CEP83: variants seen among roughly 807,000 people sequenced by gnomAD.
CEP83 encodes centrosomal protein of 83 kDa.
CEP83 carries 70 observed loss-of-function variants against 101.9 expected under a neutral mutation model. That is an observed-to-expected ratio of 0.69 (90% CI 0.57 to 0.84). CEP83 has a LOEUF of 0.84. Ranked by LOEUF, CEP83 falls within the 40% of genes least tolerant of loss-of-function variation. The probability of loss-of-function intolerance (pLI) is 0.00; values close to 1 mark genes in which losing one functional copy is unlikely to be tolerated. For missense variants in CEP83, 715 were observed against 787.2 expected (o/e 0.91, Z 1.10); for synonymous variants, 264 against 267.9 (o/e 0.99, Z 0.14).
rs4608126 is a variant in CEP83 at position 94,384,938 on chromosome 12, C to T, written c.550-5896G>A. Among the ~76,000 whole-genome samples the T allele has an allele frequency of 6.7e-4, 102 of 152,196 alleles. 1 individual carries two copies. The South Asian group carries it at 0.019, about 29-fold the overall frequency. The stretch of plus-strand genomic sequence containing the variant: ...CATTCAGTTTCAGACCTTCCTAGTT[C>T]GTGGTGTGACAAGCAATTTTCAATG... On this transcript the variant is annotated intron_variant, in intron 6 of 16. Transcript: ENST00000397809.
At position 94,313,005 on chromosome 12, in the gene CEP83, G is replaced by A. The variant is rs1458800856; in HGVS notation, c.1720C>T (p.His574Tyr). 6.7e-7 allele frequency: 1 copy of A among 1,503,156 alleles called. No homozygotes were observed. Among genetic ancestry groups the A allele is most frequent in the Non-Finnish European group, 9.2e-7 (1 of 1,091,238 alleles). 93.1% of individuals were successfully genotyped at this position (1,503,156 alleles called of 1,614,324 possible). The change falls in exon 15 of 17, where the codon CAT (histidine) becomes TAT (tyrosine). Residue 574 changes from histidine to tyrosine, a missense_variant. His to Tyr is a moderately conservative substitution (Grantham distance 83). Coordinates refer to ENST00000397809, the MANE Select transcript of CEP83 (RefSeq NM_016122.3). ...TGTAGTCTTTTCAATTTGTTTTCAT[G>A]AAGAGATTTTCTCTAAAAAGAGAAA... ...AIAQKKRKSLHENKLKRLQEK... is the reference protein window; with the variant it reads ...AIAQKKRKSLYENKLKRLQEK...
At chr12:94,401,766 T>TA (rs201992229) in intron 5 of CEP83, among the ~76,000 whole-genome samples, 30 of 150,108 alleles carry the variant, frequency 2.0e-4, no homozygotes, top group East Asian at 1.7e-3. Flanking sequence ...TGCTTTGATT[T>TA]AAAAAAAAAA....
chr12:94,286,080 T>C, the CEP83 span, among the ~76,000 whole-genome samples: 3 of 152,246 alleles, frequency 2.0e-5, no homozygotes, highest in Non-Finnish European at 2.9e-5. Flanking sequence ...CAGTCTTCAC[T>C]GCAGACATCG....
intron 2 of CEP83, among the ~76,000 whole-genome samples, chr12:94,432,313 C>T (rs954220320): frequency 8.5e-5 from 13 of 152,156 alleles, no homozygotes; most frequent in Admixed American, 2.0e-4. Flanking sequence ...CCGCCCACCT[C>T]GGCCTCCCAA....
At position 94,411,752 on chromosome 12, in the gene CEP83, T is replaced by C. The variant is rs946586203; in HGVS notation, c.269A>G (p.Glu90Gly). Residue 90 changes from glutamate (E) to glycine (G), a missense_variant, in exon 4 of 17, where the codon GAA (glutamate) becomes GGA (glycine). By Grantham distance (98) the Glu-to-Gly change is moderately conservative. Coordinates refer to ENST00000397809, the MANE Select transcript of CEP83 (RefSeq NM_016122.3). ...TTTCTCTACTAATTCTCCTCTTAGT[T>C]CTTCAAGCAGGAGCTGAAGTTTTTC... ...QQEKLQLLLE[E>G]LRGELVEKTK... 1 of 1,611,564 alleles carries C rather than the reference T, an allele frequency of 6.2e-7. No individual in the cohort carries two copies.
chr12:94,321,087 T>A (rs1001616969), intron 14 of CEP83, among the ~76,000 whole-genome samples: 2 of 152,248 alleles, frequency 1.3e-5, no homozygotes, highest in African/African-American at 4.8e-5. Context: ...TTCTTCTTTT[T>A]TATTTTTGTC....
At chr12:94,398,176 G>A (rs73370358) in intron 6 of CEP83, among the ~76,000 whole-genome samples, 4,612 of 152,310 alleles carry the variant, frequency 0.03, 219 homozygotes, top group African/African-American at 0.1. Flanking sequence ...CGAAGCTGGA[G>A]AGAATGGGCA....
intron 6 of CEP83, among the ~76,000 whole-genome samples, chr12:94,395,707 G>A (rs1004246507): frequency 2.6e-5 from 4 of 152,176 alleles, no homozygotes; most frequent in Admixed American, 2.0e-4. Flanking sequence ...TGTAGTCCCA[G>A]CTACTCGGGA....
chr12:94,309,888 T>C, intron 16 of CEP83, 30 bp downstream of exon 16: 2 of 1,356,866 alleles, frequency 1.5e-6, no homozygotes, highest in African/African-American at 1.5e-5. Flanking sequence ...TGTACGACTT[T>C]TTTTTTCCCC....
chr12:94,311,979 G>T (rs1373435868), intron 15 of CEP83, among the ~76,000 whole-genome samples: 2 of 152,104 alleles, frequency 1.3e-5, no homozygotes, highest in Non-Finnish European at 2.9e-5. Context: ...GGAGGCTGAG[G>T]CAGGAGAATA....
Position 94,331,302 on chromosome 12 carries a change from A to AAAAAAAAAAAAG in CEP83, c.1707+397_1707+398insCTTTTTTTTTTT, listed in dbSNP as rs1555220977. On this transcript the variant is annotated intron_variant, in intron 14 of 16. Transcript: ENST00000397809. ...GTCAGACTCTCAGAAAAAAAAAAAA[A>AAAAAAAAAAAAG]AAAAAAAAAAAAAAGATTTAATTAT... is the stretch of plus-strand genomic sequence containing the variant. Among the ~76,000 whole-genome samples, 36 of 125,182 alleles carry AAAAAAAAAAAAG rather than the reference A, an allele frequency of 2.9e-4. 1 individual carries two copies. Among genetic ancestry groups the AAAAAAAAAAAAG allele is most frequent in the African/African-American group, 1.1e-3 (34 of 30,498 alleles). 82.1% of individuals were successfully genotyped at this position (125,182 alleles called of 152,430 possible). A position where few individuals can be genotyped will look rare whatever the true frequency, so the allele number is the denominator to read the frequency against.
chr12:94,443,227 T>A (rs1205820359), intron 1 of CEP83, among the ~76,000 whole-genome samples: 1 of 151,940 alleles, frequency 6.6e-6, no homozygotes, highest in African/African-American at 2.4e-5. Flanking sequence ...TTTGCTAGAG[T>A]CAATTAAGTT....
At chr12:94,345,575 CA>C (rs879374054) in intron 11 of CEP83, among the ~76,000 whole-genome samples, 4 of 152,090 alleles carry the variant, frequency 2.6e-5, no homozygotes, top group Non-Finnish European at 4.4e-5. Flanking sequence ...CAAGGCAGGC[CA>C]CACACACTAA....
intron 11 of CEP83, among the ~76,000 whole-genome samples, chr12:94,365,016 A>C (rs959610671): frequency 1.3e-5 from 2 of 152,230 alleles, no homozygotes; most frequent in Non-Finnish European, 2.9e-5. Context: ...TTGATTACAT[A>C]ATAAAAATTT....
intron 11 of CEP83, among the ~76,000 whole-genome samples, chr12:94,367,523 A>G (rs1009412960): frequency 3.3e-5 from 5 of 152,186 alleles, no homozygotes; most frequent in African/African-American, 9.6e-5. Flanking sequence ...GTGATCCTGA[A>G]TTGGGTTTTA....
chr12:94,431,767 T>C (rs565167362), intron 2 of CEP83, among the ~76,000 whole-genome samples: 1 of 152,266 alleles, frequency 6.6e-6, no homozygotes, highest in South Asian at 2.1e-4. Context: ...GAATGGCTAC[T>C]ATAAAAAAAT....
chr12:94,348,732 G>T (rs1244089839), intron 11 of CEP83, among the ~76,000 whole-genome samples: 1 of 152,060 alleles, frequency 6.6e-6, no homozygotes, highest in Non-Finnish European at 1.5e-5. Flanking sequence ...TCAGCAAATC[G>T]ATGAGATGCA....
the CEP83 span, among the ~76,000 whole-genome samples, chr12:94,287,487 C>G: frequency 6.6e-6 from 1 of 152,162 alleles, no homozygotes; most frequent in East Asian, 1.9e-4. Context: ...TTATTGCACC[C>G]GCACCCTGCT....
chr12:94,278,473 A>C, the CEP83 span, among the ~76,000 whole-genome samples: 1 of 152,234 alleles, frequency 6.6e-6, no homozygotes, highest in South Asian at 2.1e-4. Context: ...ACGTGCACAA[A>C]GGCCTTACTT....
Sources: gnomAD v4.1 joint callset for allele counts (sites outside exome capture counted in the v4.1 genomes callset) on GRCh38, gnomAD v4.1.1 for gene constraint, MANE v1.5 for transcripts, NCBI Gene and HGNC (gene_info 2026-07-23, HGNC 2026-07-21) for gene names.